The following TMEM114 variants were observed in gnomAD, a reference collection of about 807,000 sequenced individuals.
TMEM114 encodes the protein transmembrane protein 114, also known as claudin-26.
TMEM114 carries 6 observed loss-of-function variants against 6.2 expected under a neutral mutation model. The ratio of observed to expected loss-of-function variants is 0.97; its 90% CI spans 0.53 to 1.91. The LOEUF (loss-of-function observed/expected upper bound fraction) is 1.91. Among genes scored for constraint, TMEM114 ranks in the 40% most tolerant of loss-of-function variants. The pLI, the probability that TMEM114 is intolerant of heterozygous loss-of-function variation, is 0.01. For synonymous variants in TMEM114, 104 were observed against 73.0 expected (o/e 1.42, Z -2.16); for missense variants, 218 against 158.3 (o/e 1.38, Z -2.02).
At chr16:8,589,556 G>T (rs952861153) in intron 1 of TMEM114, 63 bp downstream of exon 1, 35 of 398,474 alleles carry the variant, frequency 8.8e-5, no homozygotes, top group African/African-American at 6.4e-4. Flanking sequence ...GGTCCCAAGG[G>T]AGCAGGGCAC....
At chr16:8,577,295 G>C (rs1258311821) in intron 2 of TMEM114, among the ~76,000 whole-genome samples, 1 of 152,198 alleles carries the variant, frequency 6.6e-6, no homozygotes, top group African/African-American at 2.4e-5. Context: ...AACAGCTAGA[G>C]AGGGATGATG....
chr16:8,543,454 A>G (rs1567194880), intron 2 of TMEM114, among the ~76,000 whole-genome samples: 1 of 73,884 alleles, frequency 1.4e-5, no homozygotes, highest in Admixed American at 1.5e-4. Flanking sequence ...GCGTCATGCA[A>G]TGGTGCACCT....
At chr16:8,582,472 C>T (rs1902184382) in intron 2 of TMEM114, among the ~76,000 whole-genome samples, 1 of 152,214 alleles carries the variant, frequency 6.6e-6, no homozygotes, top group South Asian at 2.1e-4. Context: ...TGTTGGATAG[C>T]AGGACTCTGA....
At position 8,590,192 on chromosome 16, in the gene TMEM114, A is replaced by C; in HGVS notation, c.-354T>G. The C allele has an allele frequency of 4.6e-6, 1 of 219,774 alleles. No homozygotes were observed. Among genetic ancestry groups the C allele is most frequent in the Non-Finnish European group, 8.8e-6 (1 of 113,184 alleles). The allele number at this position is 219,774 out of a possible 1,614,324, so 13.6% of individuals were successfully genotyped here. On this transcript the variant is annotated 5_prime_UTR_variant, in exon 1 of 4. Transcript: ENST00000620492. Reference sequence around the variant, plus strand: ...TCCTTCCCCACCAGCACCTTAACCCACCTCGTCCCTCAGCCCCACTCCACC... The same window carrying C: ...TCCTTCCCCACCAGCACCTTAACCCCCCTCGTCCCTCAGCCCCACTCCACC...
rs1389237508 is a variant in TMEM114, at chr16:8,539,326, G to A, written n.213-1500C>T. Among the ~76,000 whole-genome samples, 4 of 152,230 alleles carry A rather than the reference G, an allele frequency of 2.6e-5. No individual in the cohort carries two copies. In the East Asian group the frequency reaches 5.8e-4, roughly 22 times the overall value. On this transcript the variant is annotated intron_variant and non_coding_transcript_variant, in intron 2 of 2. Transcript: ENST00000623677. ...CCTCTGAGAAGGGAATAGAGGGGTGGGAGGTAGAGAAGCTAGAAGCAGAAT... is the reference window on the plus strand; with the variant it reads ...CCTCTGAGAAGGGAATAGAGGGGTGAGAGGTAGAGAAGCTAGAAGCAGAAT...
At chr16:8,552,833 C>A (rs924035101) in intron 2 of TMEM114, among the ~76,000 whole-genome samples, 2 of 152,224 alleles carry the variant, frequency 1.3e-5, no homozygotes, top group Admixed American at 6.5e-5. Flanking sequence ...CCCTCCCCTC[C>A]CCTCCCAGCA....
At chr16:8,529,748 C>G in the TMEM114 span, among the ~76,000 whole-genome samples, 1 of 151,668 alleles carries the variant, frequency 6.6e-6, no homozygotes, top group African/African-American at 2.4e-5. Flanking sequence ...AAAAAAAGTC[C>G]TGATGTCTCA....
At chr16:8,562,427 AG>A (rs1209676617) in intron 2 of TMEM114, among the ~76,000 whole-genome samples, 1 of 149,618 alleles carries the variant, frequency 6.7e-6, no homozygotes, top group East Asian at 2.0e-4. Context: ...TGAGTGAATA[AG>A]TGAGTGAGTG....
chr16:8,574,639 C>T (rs1322692985), intron 2 of TMEM114, among the ~76,000 whole-genome samples: 1 of 141,984 alleles, frequency 7.0e-6, no homozygotes, highest in Non-Finnish European at 1.5e-5. Flanking sequence ...AGGGAAGTAC[C>T]ACAGCTCATG....
intron 2 of TMEM114, among the ~76,000 whole-genome samples, chr16:8,557,991 C>T (rs1165650386): frequency 6.6e-6 from 1 of 152,200 alleles, no homozygotes; most frequent in Admixed American, 6.5e-5. Flanking sequence ...CAGTGGCTCA[C>T]ACCTGTAATC....
intron 2 of TMEM114, among the ~76,000 whole-genome samples, chr16:8,550,451 C>T (rs986871847): frequency 3.3e-5 from 5 of 150,676 alleles, no homozygotes; most frequent in African/African-American, 7.3e-5. Context: ...GAGGCCAAGG[C>T]GGGCGGATGA....
chr16:8,544,720 G>C (rs762273929), intron 2 of TMEM114, among the ~76,000 whole-genome samples: 39 of 152,138 alleles, frequency 2.6e-4, no homozygotes, highest in Non-Finnish European at 5.0e-4. Flanking sequence ...AGTGCAAATT[G>C]ACTGAGAAAA....
chr16:8,581,033 C>G (rs1596313442), intron 2 of TMEM114, among the ~76,000 whole-genome samples: 1 of 152,136 alleles, frequency 6.6e-6, no homozygotes, highest in Non-Finnish European at 1.5e-5. Flanking sequence ...GTATGTTTGA[C>G]CATCCACAGC....
chr16:8,545,056 G>C (rs1179964644), intron 2 of TMEM114, among the ~76,000 whole-genome samples: 1 of 151,994 alleles, frequency 6.6e-6, no homozygotes, highest in Admixed American at 6.6e-5. Context: ...TTATCAGATG[G>C]TCTTGTCTTT....
chr16:8,539,673 C>T (rs1900462918), intron 2 of TMEM114, among the ~76,000 whole-genome samples: 1 of 152,048 alleles, frequency 6.6e-6, no homozygotes, highest in South Asian at 2.1e-4. Context: ...AATATTTATT[C>T]ACCACCACAA....
At chr16:8,561,828 GTGAGTGAATGA>G (rs1182356359) in intron 2 of TMEM114, among the ~76,000 whole-genome samples, 4 of 126,026 alleles carry the variant, frequency 3.2e-5, no homozygotes, top group Middle Eastern at 5.2e-3. Flanking sequence ...GAGTGAATGA[GTGAGTGAATGA>G]GTGAGTGAAT....
chr16:8,540,972 G>A (rs151147573), intron 2 of TMEM114, among the ~76,000 whole-genome samples: 6 of 152,240 alleles, frequency 3.9e-5, no homozygotes, highest in South Asian at 2.1e-4. Context: ...AAAGACATAC[G>A]CATGGAACTG....
At chr16:8,563,699 T>TAATGAATGAGTGAGTG (rs1901382998) in intron 2 of TMEM114, among the ~76,000 whole-genome samples, 1 of 136,822 alleles carries the variant, frequency 7.3e-6, no homozygotes, top group Admixed American at 7.1e-5. Context: ...ATGAGTGAGT[T>TAATGAATGAGTGAGTG]AGTGAATGAG....
At chr16:8,548,849 G>A (rs923287554) in intron 2 of TMEM114, among the ~76,000 whole-genome samples, 7 of 152,158 alleles carry the variant, frequency 4.6e-5, no homozygotes, top group Admixed American at 6.5e-5. Context: ...ATTTAATAAA[G>A]GGAGTGAGAG....
Sources: allele counts gnomAD v4.1 joint callset (sites outside exome capture counted in the v4.1 genomes callset), GRCh38; gene constraint gnomAD v4.1.1; transcripts MANE v1.5; gene names NCBI Gene and HGNC (gene_info 2026-07-23, HGNC 2026-07-21).